KCNIP1: variants seen among roughly 807,000 people sequenced by gnomAD.
KCNIP1 encodes the protein A-type potassium channel modulatory protein KCNIP1.
A neutral mutation model predicts 33.0 loss-of-function variants in KCNIP1; 18 were observed. That is an observed-to-expected ratio of 0.55 (90% CI 0.38 to 0.81). The LOEUF (loss-of-function observed/expected upper bound fraction) is 0.81, where lower values mean the gene tolerates loss of function less well. Ranked by LOEUF, KCNIP1 falls within the 30% of genes least tolerant of loss-of-function variation. The probability of loss-of-function intolerance (pLI) is 0.00; values close to 1 mark genes in which losing one functional copy is unlikely to be tolerated. For synonymous variants in KCNIP1, 93 were observed against 98.3 expected, an observed-to-expected ratio of 0.95 and a Z score of 0.32; for missense variants, 238 against 271.6, an observed-to-expected ratio of 0.88 and a Z score of 0.87.
chr5:170,494,523 G>A (rs979638027), intron 1 of KCNIP1, among the ~76,000 whole-genome samples: 1 of 152,162 alleles, frequency 6.6e-6, no homozygotes, highest in Non-Finnish European at 1.5e-5. Flanking sequence ...TGCTCTTGGG[G>A]GCCCAGGTAA....
intron 1 of KCNIP1, among the ~76,000 whole-genome samples, chr5:170,414,279 T>A (rs540638949): frequency 1.0e-3 from 154 of 152,336 alleles, no homozygotes; most frequent in African/African-American, 3.4e-3. Flanking sequence ...TATTGTTACA[T>A]CAAGTTTAAC....
rs540848501 is a variant in KCNIP1, at chr5:170,694,844, C to T, written c.62-23914C>T. 3.3e-5 allele frequency among the ~76,000 whole-genome samples: 5 copies of T among 152,172 alleles called. No individual in the cohort carries two copies. In the East Asian group the frequency reaches 5.8e-4, roughly 18 times the overall value. On this transcript the variant is annotated intron_variant, in intron 1 of 7. Coordinates refer to ENST00000328939, the MANE Select transcript of KCNIP1 (RefSeq NM_014592.4). ...GTGACAAAGGTCCATGAGCTCTGTC[C>T]GCAAAAAGCTGTTGAGTTTAAAGAA...
At chr5:170,572,772 G>A (rs924519651) in intron 1 of KCNIP1, among the ~76,000 whole-genome samples, 3 of 152,138 alleles carry the variant, frequency 2.0e-5, no homozygotes, top group African/African-American at 4.8e-5. Context: ...CTGTGCTATC[G>A]GATTCAAACC....
At chr5:170,455,759 C>T (rs1331432712) in intron 1 of KCNIP1, among the ~76,000 whole-genome samples, 1 of 152,126 alleles carries the variant, frequency 6.6e-6, no homozygotes, top group Non-Finnish European at 1.5e-5. Flanking sequence ...AATTAAGACA[C>T]AACATATAAA....
intron 1 of KCNIP1, among the ~76,000 whole-genome samples, chr5:170,476,849 C>G (rs575079290): frequency 6.6e-6 from 1 of 152,152 alleles, no homozygotes; most frequent in Non-Finnish European, 1.5e-5. Flanking sequence ...ACCACATCCT[C>G]GCAGTAATGT....
intron 1 of KCNIP1, among the ~76,000 whole-genome samples, chr5:170,488,281 G>C (rs1179188700): frequency 2.0e-5 from 3 of 152,182 alleles, no homozygotes; most frequent in African/African-American, 7.2e-5. Context: ...AAGGATCCCA[G>C]GAAGGGCCAA....
intron 1 of KCNIP1, among the ~76,000 whole-genome samples, chr5:170,555,851 T>C (rs2113437881): frequency 6.6e-6 from 1 of 152,260 alleles, no homozygotes; most frequent in East Asian, 1.9e-4. Flanking sequence ...TCTTATAATT[T>C]GGGGCGTGAA....
Position 170,523,494 on chromosome 5 carries a change from G to A in KCNIP1, c.61+18861G>A, listed in dbSNP as rs557548182. ...TCTCAGAGTCGACTTTGAAAGAAGA[G>A]GGTAATCATTCCTCCTCCTAAGACT... On this transcript the variant is annotated intron_variant, in intron 1 of 7. Coordinates refer to ENST00000328939, the MANE Select transcript of KCNIP1 (RefSeq NM_014592.4). Among the ~76,000 whole-genome samples, 8 of 152,294 alleles carry A rather than the reference G, an allele frequency of 5.3e-5. No individual in the cohort carries two copies. The South Asian group carries it at 1.5e-3, about 28-fold the overall frequency.
chr5:170,522,844 A>G (rs115588690), intron 1 of KCNIP1, among the ~76,000 whole-genome samples: 1,600 of 152,294 alleles, frequency 0.011, 22 homozygotes, highest in African/African-American at 0.035. Flanking sequence ...AAAAATTCCA[A>G]TGCTTAGAGT....
chr5:170,430,598 T>G (rs1270292803), intron 1 of KCNIP1, among the ~76,000 whole-genome samples: 1 of 152,160 alleles, frequency 6.6e-6, no homozygotes, highest in Non-Finnish European at 1.5e-5. Context: ...TTGGTGACAT[T>G]CCCAAACGTT....
At chr5:170,552,529 G>A (rs1275971989) in intron 1 of KCNIP1, among the ~76,000 whole-genome samples, 1 of 152,160 alleles carries the variant, frequency 6.6e-6, no homozygotes, top group African/African-American at 2.4e-5. Flanking sequence ...TGTCTAAGGA[G>A]GTGGCGTTTG....
chr5:170,407,080 T>C (rs903031256), intron 1 of KCNIP1, among the ~76,000 whole-genome samples: 10 of 152,188 alleles, frequency 6.6e-5, no homozygotes, highest in Admixed American at 2.6e-4. Context: ...GGGGGTGATT[T>C]TGAGGAACTG....
At position 170,367,109 on chromosome 5, in the gene KCNIP1, A is replaced by G. The variant is rs144840183; in HGVS notation, c.88+13145A>G. ...TGAGGCAGGTGGATCCCTTGAGGTC[A>G]GGAGCTCGAGACCATTCTGACCACA... On this transcript the variant is annotated intron_variant, in intron 1 of 7. Transcript: ENST00000377360. Among the ~76,000 whole-genome samples, 11 of 152,182 alleles carry G rather than the reference A, an allele frequency of 7.2e-5. No individual in the cohort carries two copies. The East Asian group carries it at 2.1e-3, about 29-fold the overall frequency.
chr5:170,723,883 C>T (rs1763918471), intron 5 of KCNIP1, among the ~76,000 whole-genome samples: 2 of 152,122 alleles, frequency 1.3e-5, no homozygotes, highest in Admixed American at 1.3e-4. Context: ...ACTAGAGAGG[C>T]TTTGAGGCAA....
chr5:170,408,811 G>T (rs1285216380), intron 1 of KCNIP1, among the ~76,000 whole-genome samples: 2 of 152,222 alleles, frequency 1.3e-5, no homozygotes, highest in Non-Finnish European at 2.9e-5. Flanking sequence ...CACAGAAAAA[G>T]AGCAGCAGAG....
chr5:170,585,564 T>C (rs76962600), intron 1 of KCNIP1, among the ~76,000 whole-genome samples: 13,054 of 151,926 alleles, frequency 0.086, 635 homozygotes, highest in South Asian at 0.11. Context: ...ATTACAGGCC[T>C]ACAATACCTG....
intron 1 of KCNIP1, among the ~76,000 whole-genome samples, chr5:170,456,387 TG>T: frequency 6.6e-6 from 1 of 152,170 alleles, no homozygotes; most frequent in East Asian, 1.9e-4. Context: ...GATGACAGGT[TG>T]ATAGGTGCAG....
At chr5:170,444,821 T>C (rs919955777) in intron 1 of KCNIP1, among the ~76,000 whole-genome samples, 11 of 152,106 alleles carry the variant, frequency 7.2e-5, no homozygotes, top group Non-Finnish European at 1.0e-4. Flanking sequence ...GCATTTCTGA[T>C]TGACATTGTT....
intron 1 of KCNIP1, among the ~76,000 whole-genome samples, chr5:170,396,049 CT>C (rs1754753355): frequency 6.6e-6 from 1 of 152,214 alleles, no homozygotes; most frequent in Non-Finnish European, 1.5e-5. Flanking sequence ...CTGTGGAAAT[CT>C]ACAAACAATA....
Sources: gnomAD v4.1 joint callset for allele counts (sites outside exome capture counted in the v4.1 genomes callset) on GRCh38, gnomAD v4.1.1 for gene constraint, MANE v1.5 for transcripts, NCBI Gene and HGNC (gene_info 2026-07-23, HGNC 2026-07-21) for gene names.